Variants in CFAP65 observed in about 807,000 individuals in gnomAD.
CFAP65 encodes the protein cilia- and flagella-associated protein 65.
CFAP65 carries 155 observed loss-of-function variants against 208.0 expected under a neutral mutation model. That is an observed-to-expected ratio of 0.75 (90% CI 0.65 to 0.85). The LOEUF is 0.85. Ranked by LOEUF, CFAP65 falls within the 40% of genes least tolerant of loss-of-function variation. The pLI is 0.00. For synonymous variants in CFAP65, 970 were observed against 986.3 expected (o/e 0.98, Z 0.31); for missense variants, 2,294 against 2,451.3 (o/e 0.94, Z 1.36).
rs148521256 is a variant in CFAP65, at chr2:219,004,107, C to T, written c.5400G>A (p.Glu1800=). ...LGKEEIEEKE[E]ERDEKEEKVS... The stretch of plus-strand genomic sequence containing the variant: ...CTTTCTCTTCCTTCTCATCCCTCTC[C>T]TCCTCCTTCTCCTCTATCTCCTCCT... Residue 1800 remains glutamate (E), a synonymous_variant, in exon 33 of 35, where the codon GAG becomes GAA. Transcript: ENST00000341552. This position sits in a 1 kb window ranked among gnomAD's most constrained non-coding sequence, Gnocchi z 4.7. 4 of 1,613,798 alleles carry T rather than the reference C, an allele frequency of 2.5e-6. No individual in the cohort carries two copies. In the African/African-American group the frequency reaches 5.3e-5, roughly 22 times the overall value.
chr2:219,013,778 A>G (rs1355440964), intron 22 of CFAP65, 90 bp downstream of exon 22: 3 of 1,309,162 alleles, frequency 2.3e-6, no homozygotes, highest in Non-Finnish European at 3.2e-6. Flanking sequence ...GGGAATGGCC[A>G]TTTGGGGTGC....
chr2:219,025,052 G>A (rs982098083), intron 14 of CFAP65, among the ~76,000 whole-genome samples: 4 of 152,240 alleles, frequency 2.6e-5, no homozygotes, highest in Admixed American at 2.6e-4. Flanking sequence ...TCCAGGGTGT[G>A]GCCAGCACCA....
rs1947319364 is a variant in CFAP65 at position 219,022,297 on chromosome 2, C to T, written c.2853G>A (p.Glu951=). 1 of 1,607,030 alleles carries T rather than the reference C, an allele frequency of 6.2e-7. No homozygotes were observed. Residue 951 remains glutamate, a synonymous_variant, in exon 17 of 35, where the codon GAG becomes GAA. Coordinates refer to ENST00000341552, the MANE Select transcript of CFAP65 (RefSeq NM_194302.4). ...TCCCCACTTGGAACAGGTACTTGGT[C>T]TCCTCCAAAGGGCTGAAGGTCCACG... ...TLTWTFSPLE[E]TKYLFQVGMW...
chr2:219,026,836 C>A, intron 13 of CFAP65: 1 of 986,500 alleles, frequency 1.0e-6, no homozygotes, highest in Non-Finnish European at 1.2e-6. Context: ...CATCTACAAC[C>A]TTATTCCTAC....
intron 10 of CFAP65, 30 bp from the exon 11 acceptor site, chr2:219,029,698 C>T: frequency 6.2e-7 from 1 of 1,602,712 alleles, no homozygotes; most frequent in East Asian, 2.2e-5. Flanking sequence ...TATCAGCTTC[C>T]CCAAGGATAT....
rs769142744 is a variant in CFAP65, at chr2:219,031,341, C to T, written c.816-36G>A. The T allele has an allele frequency of 1.7e-5, 28 of 1,608,038 alleles. No homozygotes were observed. The highest frequency in any genetic ancestry group is 2.7e-5 in the African/African-American group (2 of 74,768). On this transcript the variant is annotated intron_variant, in intron 7 of 34. Transcript: ENST00000341552. The surrounding 1 kb of genome is among the most constrained non-coding windows in gnomAD (Gnocchi z 5.2). ...GGGGCAGGTCAGGGCACTGGGCTCC[C>T]GGCCCCTGCTCCTGCAGTAGCAAGT... is the stretch of plus-strand genomic sequence containing the variant.
Position 219,031,176 on chromosome 2 carries a change from G to A in CFAP65, c.945C>T (p.Tyr315=), listed in dbSNP as rs371485262. 10 of 1,611,626 alleles carry A rather than the reference G, an allele frequency of 6.2e-6. No homozygotes were observed. Among genetic ancestry groups the A allele is most frequent in the Middle Eastern group, 1.6e-4 (1 of 6,080 alleles). ...VTFQPLTAVI[Y]EVQATCWYGA... ...CGTACCAGCACGTGGCCTGCACCTC[G>A]TAGATGACGGCTGTAAGGGGCTGAA... is the stretch of plus-strand genomic sequence containing the variant. Residue 315 remains tyrosine (Y), a synonymous_variant, in exon 8 of 35, where the codon TAC becomes TAT. Coordinates refer to ENST00000341552, the MANE Select transcript of CFAP65 (RefSeq NM_194302.4). This position sits in a 1 kb window ranked among gnomAD's most constrained non-coding sequence, Gnocchi z 5.2.
chr2:219,022,910 C>T (rs188624109), intron 16 of CFAP65, among the ~76,000 whole-genome samples: 2 of 152,148 alleles, frequency 1.3e-5, no homozygotes, highest in Non-Finnish European at 2.9e-5. Flanking sequence ...GCTTTGGGGA[C>T]CATGGATGGG....
In CFAP65 at chr2:219,031,129, C is replaced by T; in HGVS notation, c.992G>A (p.Ser331Asn). 1 of 1,597,788 alleles carries T rather than the reference C, an allele frequency of 6.3e-7. No individual in the cohort carries two copies. The highest frequency in any genetic ancestry group is 8.5e-7 in the Non-Finnish European group (1 of 1,172,180). The change falls in exon 8 of 35, where the codon AGC (serine) becomes AAC (asparagine). Residue 331 changes from serine (S) to asparagine (N), a missense_variant. Coordinates refer to ENST00000341552, the MANE Select transcript of CFAP65 (RefSeq NM_194302.4). This position sits in a 1 kb window ranked among gnomAD's most constrained non-coding sequence, Gnocchi z 5.2. Reference sequence around the variant, plus strand: ...ACCCACAGCCTGCAGCTGGATGCTGCTCCTCTGCCGGCTGCCCGCCCCGTA... The same window carrying T: ...ACCCACAGCCTGCAGCTGGATGCTGTTCCTCTGCCGGCTGCCCGCCCCGTA... ...CWYGAGSRQR[S>N]SIQLQAVAKC...
intron 20 of CFAP65, 95 bp from the exon 21 acceptor site, chr2:219,019,274 G>A (rs1947114345): frequency 4.8e-6 from 7 of 1,444,570 alleles, no homozygotes; most frequent in South Asian, 2.7e-5. Context: ...CTCCCTCCAA[G>A]TGGGAACTGG....
intron 1 of CFAP65, 102 bp from the exon 2 acceptor site, chr2:219,040,666 C>T (rs986184778): frequency 3.1e-5 from 48 of 1,524,030 alleles, no homozygotes; most frequent in Non-Finnish European, 3.7e-5. Flanking sequence ...ACTGTACAGA[C>T]AGCTCCTGCC....
chr2:219,026,735 C>A (rs1270249772), intron 13 of CFAP65: 5 of 969,542 alleles, frequency 5.2e-6, no homozygotes, highest in Non-Finnish European at 6.1e-6. Flanking sequence ...AGCTCAGTAG[C>A]CACGTGTGGC....
intron 13 of CFAP65, 136 bp from the exon 14 acceptor site, chr2:219,026,295 C>T: frequency 1.1e-6 from 1 of 923,264 alleles, no homozygotes; most frequent in Non-Finnish European, 1.6e-6. Flanking sequence ...CCTGGGAAGA[C>T]AGTGCAGAGA....
Position 219,013,573 on chromosome 2 carries a change from G to C in CFAP65, c.3792C>G (p.Ile1264Met). 15 of 1,599,868 alleles carry C rather than the reference G, an allele frequency of 9.4e-6. No individual in the cohort carries two copies. The highest frequency in any genetic ancestry group is 1.2e-5 in the Non-Finnish European group (14 of 1,174,702). Reference protein sequence around the residue: ...MVELKYSHLFIGTDHLPVLFK... With the variant: ...MVELKYSHLFMGTDHLPVLFK... ...AGAGCACTGGGAGGTGATCAGTACC[G>C]ATGAACAGGTGGCTAGAAAGAAACA... Residue 1264 changes from isoleucine to methionine, a missense_variant, in exon 23 of 35, where the codon ATC becomes ATG. This residue lies in a region of CFAP65 where 1,427 missense variants were observed against 1,438.7 expected (regional missense o/e 0.99). Coordinates refer to ENST00000341552, the MANE Select transcript of CFAP65 (RefSeq NM_194302.4).
chr2:219,009,450 C>T lies in CFAP65; in HGVS notation c.4463G>A (p.Ser1488Asn). The change falls in exon 28 of 35, where the codon AGT becomes AAT. Residue 1488 changes from serine (S) to asparagine (N), a missense_variant. Physicochemically the swap from Ser to Asn is conservative, Grantham distance 46. Coordinates refer to ENST00000341552, the MANE Select transcript of CFAP65 (RefSeq NM_194302.4). ...AGGAGCCACCACCCCTATCATGGGA[C>T]TCACAGACACCTGTTGATTTGGGGA... ...SPLDFGEVSV[S>N]PMIGVVAPEE... 2 of 1,610,596 alleles carry T rather than the reference C, an allele frequency of 1.2e-6. No individual in the cohort carries two copies. Among genetic ancestry groups the T allele is most frequent in the East Asian group, 2.2e-5 (1 of 44,856 alleles).
At chr2:219,030,306 G>A (rs1052616856) in intron 9 of CFAP65, 98 bp from the exon 10 acceptor site, 77 of 1,266,038 alleles carry the variant, frequency 6.1e-5, no homozygotes, top group Non-Finnish European at 8.4e-5. Flanking sequence ...TAGCCAAGGG[G>A]GTGGGGGCAG....
Position 219,003,049 on chromosome 2 carries a change from G to T in CFAP65, c.5694-28C>A, listed in dbSNP as rs1346430705. The T allele has an allele frequency of 1.3e-6, 2 of 1,551,870 alleles. No homozygotes were observed. The highest frequency in any genetic ancestry group is 2.4e-5 in the East Asian group (1 of 41,154). ...GGAAGACAAAAAGTCCCAGGTAGGC[G>T]TGGGGGCGAGGCTTCGGGCAGAGCC... On this transcript the variant is annotated intron_variant, in intron 34 of 34. Transcript: ENST00000341552. The surrounding 1 kb of genome is among the most constrained non-coding windows in gnomAD (Gnocchi z 4.4).
rs138955488 is a variant in CFAP65, at chr2:219,030,577, G to A, written c.1161+112C>T. 460 of 1,406,542 alleles carry A rather than the reference G, an allele frequency of 3.3e-4. 2 individuals carry two copies. In the East Asian group the frequency reaches 4.2e-3, roughly 13 times the overall value. 87.1% of individuals were successfully genotyped at this position (1,406,542 alleles called of 1,614,324 possible). On this transcript the variant is annotated intron_variant, in intron 9 of 34. Coordinates refer to ENST00000341552, the MANE Select transcript of CFAP65 (RefSeq NM_194302.4). ...TGACAGCTGACATGGGTTACATGAG[G>A]CTTGGGGCCAAAGGCATGGAGAGAA...
Position 219,019,034 on chromosome 2 carries a change from C to A in CFAP65, c.3602+17G>T. 1.2e-6 allele frequency: 2 copies of A among 1,614,066 alleles called. No homozygotes were observed. The highest frequency in any genetic ancestry group is 1.7e-6 in the Non-Finnish European group (2 of 1,179,968). ...ACTTGTCTCCCAGGCCCCCCAGTGG[C>A]CCCCTTCAAGCCATACCAGTCCAGG... is the stretch of plus-strand genomic sequence containing the variant. On this transcript the variant is annotated intron_variant, in intron 21 of 34. Coordinates refer to ENST00000341552, the MANE Select transcript of CFAP65 (RefSeq NM_194302.4).
Sources: gnomAD v4.1 joint callset for allele counts (sites outside exome capture counted in the v4.1 genomes callset) on GRCh38, gnomAD v4.1.1 for gene constraint, gnomAD v4.1.1 regional missense constraint, Gnocchi (gnomAD v3.1) non-coding constraint, MANE v1.5 for transcripts, NCBI Gene and HGNC (gene_info 2026-07-23, HGNC 2026-07-21) for gene names.